Variants in SLC4A10 observed in about 807,000 individuals in gnomAD.
SLC4A10 encodes the protein solute carrier family 4 member 10, also known as sodium-driven chloride bicarbonate exchanger.
A neutral mutation model predicts 137.7 loss-of-function variants in SLC4A10; 42 were observed. The ratio of observed to expected loss-of-function variants is 0.30; its 90% confidence interval spans 0.24 to 0.39. SLC4A10 has a LOEUF of 0.39. Among genes scored for constraint, SLC4A10 ranks in the 10% least tolerant of loss-of-function variants. The pLI is 1.00. For missense variants in SLC4A10, 925 were observed against 1,355.0 expected, an observed-to-expected ratio of 0.68 and a Z score of 4.98; for synonymous variants, 474 against 464.1, an observed-to-expected ratio of 1.02 and a Z score of -0.27.
chr2:161,768,022 A>G (rs1468367060), intron 1 of SLC4A10, among the ~76,000 whole-genome samples: 1 of 151,996 alleles, frequency 6.6e-6, no homozygotes, highest in African/African-American at 2.4e-5. Context: ...GGCTAGGGGG[A>G]ATTTTTATTT....
At chr2:161,803,317 T>A (rs1322723986) in intron 2 of SLC4A10, among the ~76,000 whole-genome samples, 1 of 152,188 alleles carries the variant, frequency 6.6e-6, no homozygotes, top group Non-Finnish European at 1.5e-5. Flanking sequence ...ATTAACATTT[T>A]ACATTAGTGC....
rs1036297276 is a variant in SLC4A10 at position 161,967,604 on chromosome 2, C to T, written c.3159+2431C>T. Among the ~76,000 whole-genome samples the T allele has an allele frequency of 2.0e-5, 3 of 152,254 alleles. No individual in the cohort carries two copies. In the South Asian group the frequency reaches 6.2e-4, roughly 32 times the overall value. On this transcript the variant is annotated intron_variant, in intron 23 of 26. Transcript: ENST00000446997. Reference sequence around the variant, plus strand: ...ATTTAATCCACCCCTACTATGGCCTCAGTCACTCTCTCACTCACCAGAAAT... The same window carrying T: ...ATTTAATCCACCCCTACTATGGCCTTAGTCACTCTCTCACTCACCAGAAAT...
At chr2:161,639,535 C>T (rs1430615914) in intron 1 of SLC4A10, among the ~76,000 whole-genome samples, 1 of 151,904 alleles carries the variant, frequency 6.6e-6, no homozygotes, top group Non-Finnish European at 1.5e-5. Context: ...TATGATCATC[C>T]CAATAGATGC....
intron 15 of SLC4A10, chr2:161,931,560 C>T (rs938795769): frequency 6.6e-6 from 1 of 152,068 alleles, no homozygotes; most frequent in Non-Finnish European, 1.5e-5. Flanking sequence ...TAAGTAGTGA[C>T]TAATTTTCTT....
At chr2:161,803,625 C>G (rs1276422380) in intron 2 of SLC4A10, among the ~76,000 whole-genome samples, 1 of 152,272 alleles carries the variant, frequency 6.6e-6, no homozygotes, top group South Asian at 2.1e-4. Context: ...CAGTATGTAG[C>G]TTTTAAAACC....
At chr2:161,964,998 A>C in intron 22 of SLC4A10, 53 bp from the exon 23 acceptor site, 3 of 1,535,888 alleles carry the variant, frequency 2.0e-6, no homozygotes, top group Non-Finnish European at 2.7e-6. Context: ...GCAAATCTAC[A>C]CCTCTCGTTT....
chr2:161,729,218 A>C (rs141184172), intron 1 of SLC4A10, among the ~76,000 whole-genome samples: 41 of 152,324 alleles, frequency 2.7e-4, no homozygotes, highest in Non-Finnish European at 4.3e-4. Context: ...CAAGGAAAGA[A>C]AAACCATGAA....
chr2:161,951,439 T>C (rs987404313), intron 19 of SLC4A10, among the ~76,000 whole-genome samples: 5 of 152,190 alleles, frequency 3.3e-5, no homozygotes, highest in African/African-American at 1.2e-4. Flanking sequence ...CATTTTGCAA[T>C]TGTGAATAAT....
intron 1 of SLC4A10, among the ~76,000 whole-genome samples, chr2:161,729,906 AT>A (rs2046651510): frequency 6.6e-6 from 1 of 152,126 alleles, no homozygotes; most frequent in Non-Finnish European, 1.5e-5. Flanking sequence ...GTCCTCTTTT[AT>A]TTGTAACACT....
intron 15 of SLC4A10, among the ~76,000 whole-genome samples, chr2:161,909,787 T>C (rs998135372): frequency 2.0e-5 from 3 of 152,224 alleles, no homozygotes; most frequent in African/African-American, 7.2e-5. Context: ...TGCTAATTAC[T>C]GCTATTTTAA....
intron 16 of SLC4A10, 21 bp downstream of exon 16, chr2:161,942,918 T>G (rs1692990729): frequency 3.9e-6 from 6 of 1,546,752 alleles, no homozygotes; most frequent in African/African-American, 1.4e-5. Context: ...CACTGAAAAA[T>G]AAGTCATACC....
At chr2:161,748,521 C>T (rs2048625209) in intron 1 of SLC4A10, among the ~76,000 whole-genome samples, 1 of 149,526 alleles carries the variant, frequency 6.7e-6, no homozygotes, top group South Asian at 2.1e-4. Flanking sequence ...GATATTCTAC[C>T]ATTTGTTGAA....
chr2:161,856,360 C>A (rs1018395843), intron 5 of SLC4A10, among the ~76,000 whole-genome samples: 1 of 108,948 alleles, frequency 9.2e-6, no homozygotes, highest in African/African-American at 4.1e-5. Flanking sequence ...AATACTAAAA[C>A]ACACACACAC....
At chr2:161,699,933 GTAGA>G (rs2042955179) in intron 1 of SLC4A10, among the ~76,000 whole-genome samples, 1 of 152,074 alleles carries the variant, frequency 6.6e-6, no homozygotes, top group African/African-American at 2.4e-5. Flanking sequence ...CAAATGCTAT[GTAGA>G]TAGATACTGT....
chr2:161,789,227 G>T (rs1015991934), intron 2 of SLC4A10, among the ~76,000 whole-genome samples: 2 of 152,174 alleles, frequency 1.3e-5, no homozygotes, highest in Non-Finnish European at 1.5e-5. Context: ...CATTGCCTGG[G>T]ATTTCAAGGG....
Position 161,984,245 on chromosome 2 carries a change from T to C in SLC4A10, c.*1093T>C, listed in dbSNP as rs1161922058. The stretch of plus-strand genomic sequence containing the variant: ...AAATGCATGTTGTGGAAAAACAGTC[T>C]TTTAAAATGAAATTTCAGATTCCAT... On this transcript the variant is annotated 3_prime_UTR_variant, in exon 27 of 27. Coordinates refer to ENST00000446997, the MANE Select transcript of SLC4A10 (RefSeq NM_001178015.2). The C allele has an allele frequency of 6.6e-6, 1 of 152,180 alleles. No homozygotes were observed. The highest frequency in any genetic ancestry group is 1.5e-5 in the Non-Finnish European group (1 of 68,010). 9.4% of individuals were successfully genotyped at this position (152,180 alleles called of 1,614,324 possible). A position where few individuals can be genotyped will look rare whatever the true frequency, so the allele number is the denominator to read the frequency against.
chr2:161,908,516 A>G (rs150226759), intron 15 of SLC4A10, among the ~76,000 whole-genome samples: 2,085 of 151,444 alleles, frequency 0.014, 23 homozygotes, highest in Non-Finnish European at 0.022. Context: ...CAGCACACCA[A>G]CATGGCACAT....
chr2:161,969,751 G>A (rs1698191988), intron 23 of SLC4A10, among the ~76,000 whole-genome samples: 1 of 152,106 alleles, frequency 6.6e-6, no homozygotes, highest in African/African-American at 2.4e-5. Flanking sequence ...TCCCAATGCA[G>A]GATCATGAAA....
intron 26 of SLC4A10, among the ~76,000 whole-genome samples, chr2:161,981,669 A>G (rs1700234956): frequency 6.6e-6 from 1 of 152,256 alleles, no homozygotes; most frequent in Non-Finnish European, 1.5e-5. Context: ...TTAAAGTAGA[A>G]GAAAGTGAGT....
Sources: gnomAD v4.1 joint callset for allele counts (sites outside exome capture counted in the v4.1 genomes callset) on GRCh38, gnomAD v4.1.1 for gene constraint, MANE v1.5 for transcripts, NCBI Gene and HGNC (gene_info 2026-07-23, HGNC 2026-07-21) for gene names.